ASB12: variants seen among roughly 807,000 people sequenced by gnomAD.
ASB12 encodes the protein ankyrin repeat and SOCS box protein 12.
Under a neutral mutation model 13.7 loss-of-function variants are expected in ASB12, and 17 were observed. The ratio of observed to expected loss-of-function variants is 1.24; its 90% CI spans 0.85 to 1.86. The LOEUF (loss-of-function observed/expected upper bound fraction) is 1.86, where lower values mean the gene tolerates loss of function less well. Ranked by LOEUF, ASB12 falls within the 40% of genes most tolerant of loss-of-function variation. The probability of loss-of-function intolerance (pLI) is 0.00; values close to 1 mark genes in which losing one functional copy is unlikely to be tolerated. For synonymous variants in ASB12, 107 were observed against 99.8 expected, an observed-to-expected ratio of 1.07 and a Z score of -0.43; for missense variants, 329 against 250.5, an observed-to-expected ratio of 1.31 and a Z score of -2.11.
chrX:64,230,055 T>C (rs1351762505), intron 1 of ASB12, among the ~76,000 whole-genome samples: 1 of 110,926 alleles, frequency 9.0e-6, no homozygotes, highest in Non-Finnish European at 1.9e-5. Context: ...AGAACGTTTT[T>C]AAGCCTCATC....
chrX:64,225,371 C>T lies in ASB12; in HGVS notation c.280G>A (p.Ala94Thr), dbSNP rs1460710458. 20 of 1,208,435 alleles carry T rather than the reference C, an allele frequency of 1.7e-5. No individual in the cohort carries two copies. Among genetic ancestry groups the T allele is most frequent in the Non-Finnish European group, 2.2e-5 (20 of 893,805 alleles). The stretch of plus-strand genomic sequence containing the variant: ...AAGCTGTCAACATCAGCACCATGGG[C>T]TAAGAGGACTTGCAAACAGCTCAAG... ...GHLSCLQVLL[A>T]HGADVDSLDV... The change falls in exon 2 of 3, where the codon GCC becomes ACC. Residue 94 changes from alanine to threonine, a missense_variant. Coordinates refer to ENST00000362002, the MANE Select transcript of ASB12 (RefSeq NM_130388.4).
In ASB12 at chrX:64,226,140, A is replaced by G. The variant is rs145078393; in HGVS notation, c.-24-466T>C. ...ATTTTCCTCAGTTCAGAATGTGTGGATTAGTAAGGTGGCTCTGGCCTGGCG... is the reference window on the plus strand; with the variant it reads ...ATTTTCCTCAGTTCAGAATGTGTGGGTTAGTAAGGTGGCTCTGGCCTGGCG... On this transcript the variant is annotated intron_variant, in intron 1 of 2. Coordinates refer to ENST00000362002, the MANE Select transcript of ASB12 (RefSeq NM_130388.4). Among the ~76,000 whole-genome samples the G allele has an allele frequency of 7.4e-4, 83 of 112,623 alleles. 2 individuals carry two copies. In the East Asian group the frequency reaches 0.023, roughly 31 times the overall value.
chrX:64,224,431 G>A lies in ASB12; in HGVS notation c.861C>T (p.Val287=), dbSNP rs1162651350. The A allele has an allele frequency of 3.3e-6, 4 of 1,208,105 alleles. No homozygotes were observed. Among genetic ancestry groups the A allele is most frequent in the South Asian group, 3.5e-5 (2 of 56,614 alleles). Reference sequence around the variant, plus strand: ...CAGCCTGGCACAAGGCTCTGCGGACGACTAAACGGACCTGTGATAGAAGTG... The same window carrying A: ...CAGCCTGGCACAAGGCTCTGCGGACAACTAAACGGACCTGTGATAGAAGTG... ...PRSLLSQVRL[V]VRRALCQAGQ... Residue 287 remains valine (V), a synonymous_variant, in exon 3 of 3, where the codon GTC becomes GTT. Coordinates refer to ENST00000362002, the MANE Select transcript of ASB12 (RefSeq NM_130388.4).
chrX:64,228,743 AATTTT>A (rs1324110555), intron 1 of ASB12, among the ~76,000 whole-genome samples: 1 of 111,273 alleles, frequency 9.0e-6, no homozygotes, highest in Non-Finnish European at 1.9e-5. Flanking sequence ...CATTTAATTT[AATTTT>A]TTCAATTTAC....
At position 64,225,604 on chromosome X, in the gene ASB12, G is replaced by T. The variant is rs370012720; in HGVS notation, c.47C>A (p.Thr16Asn). 22 of 1,200,019 alleles carry T rather than the reference G, an allele frequency of 1.8e-5. No individual in the cohort carries two copies. Among genetic ancestry groups the T allele is most frequent in the Non-Finnish European group, 2.4e-5 (21 of 889,498 alleles). ...QLAKMNLMDI[T>N]KIFSLLQPDK... ...GGGCTGCAGGAGGGAGAAGATCTTG[G>T]TGATGTCCATGAGGTTCATCTTGGC... The change falls in exon 2 of 3, where the codon ACC (threonine) becomes AAC (asparagine). Residue 16 changes from threonine (T) to asparagine (N), a missense_variant. Coordinates refer to ENST00000362002, the MANE Select transcript of ASB12 (RefSeq NM_130388.4).
intron 1 of ASB12, among the ~76,000 whole-genome samples, chrX:64,229,067 C>A (rs1484663041): frequency 1.8e-5 from 2 of 111,463 alleles, no homozygotes; most frequent in African/African-American, 6.5e-5. Context: ...CACATACCCC[C>A]CTCCCTTGAC....
chrX:64,228,265 T>C (rs776931648), intron 1 of ASB12, among the ~76,000 whole-genome samples: 7 of 112,427 alleles, frequency 6.2e-5, no homozygotes, highest in African/African-American at 2.3e-4. Flanking sequence ...TGGCTCTCCA[T>C]ATACACCATG....
chrX:64,225,366 A>G lies in ASB12; in HGVS notation c.285T>C (p.His95=). The change falls in exon 2 of 3, where the codon CAT becomes CAC. Residue 95 remains histidine, a synonymous_variant. Transcript: ENST00000362002. ...HLSCLQVLLA[H]GADVDSLDVK... ...CATCCAAGCTGTCAACATCAGCACC[A>G]TGGGCTAAGAGGACTTGCAAACAGC... 1 of 1,208,670 alleles carries G rather than the reference A, an allele frequency of 8.3e-7. No individual in the cohort carries two copies. Among genetic ancestry groups the G allele is most frequent in the Admixed American group, 2.2e-5 (1 of 45,754 alleles).
chrX:64,226,823 G>A (rs766898116), intron 1 of ASB12: 1 of 633,437 alleles, frequency 1.6e-6, no homozygotes, highest in African/African-American at 2.5e-5. Context: ...TGCAGCTGAG[G>A]TCTCAGGACC....
chrX:64,226,556 A>C (rs746495142), intron 1 of ASB12, among the ~76,000 whole-genome samples: 31 of 111,803 alleles, frequency 2.8e-4, no homozygotes, highest in Middle Eastern at 4.7e-3. Context: ...TTGATTGCCA[A>C]CACTGGCTCC....
Position 64,225,218 on chromosome X carries a change from T to C in ASB12, c.433A>G (p.Thr145Ala). 1 of 1,211,405 alleles carries C rather than the reference T, an allele frequency of 8.3e-7. No homozygotes were observed. ...GCAACAGCACCATCACGGGCAGCTG[T>C]GAGCACGGGAGAACAGTTGTTGTAG... ...SIYNNCSPVL[T>A]AARDGAVAIL... is the part of the protein sequence containing the mutation. Residue 145 changes from threonine (T) to alanine (A), a missense_variant, in exon 2 of 3, where the codon ACA becomes GCA. Thr to Ala is a moderately conservative substitution (Grantham distance 58, BLOSUM62 0). Coordinates refer to ENST00000362002, the MANE Select transcript of ASB12 (RefSeq NM_130388.4).
In ASB12 at chrX:64,230,559, C is replaced by A. The variant is rs755456928; in HGVS notation, c.-121G>T. The A allele has an allele frequency of 5.4e-5, 6 of 111,826 alleles. No individual in the cohort carries two copies. Among genetic ancestry groups the A allele is most frequent in the Non-Finnish European group, 9.4e-5 (5 of 53,055 alleles). 9.2% of individuals were successfully genotyped at this position (111,826 alleles called of 1,213,427 possible). On this transcript the variant is annotated 5_prime_UTR_variant, in exon 1 of 3. Coordinates refer to ENST00000362002, the MANE Select transcript of ASB12 (RefSeq NM_130388.4). ...GTGTCCCCTCCTTAGGGAGCCCCCA[C>A]GGCCCCAACCTGGAGCAGCTGGGGC...
chrX:64,224,985 T>A lies in ASB12; in HGVS notation c.666A>T (p.Arg222Ser). ...GGCAGATTTCAAGGAGGGTGCGGGG[T>A]CTTGGGACACGAGCCAATAGGCCCT... ...TDQGLLARVP[R>S]PRTLLEICLH... The change falls in exon 2 of 3, where the codon AGA becomes AGT. Residue 222 changes from arginine (R) to serine (S), a missense_variant. Transcript: ENST00000362002. 8.3e-7 allele frequency: 1 copy of A among 1,210,730 alleles called. No homozygotes were observed. Among genetic ancestry groups the A allele is most frequent in the Non-Finnish European group, 1.1e-6 (1 of 895,101 alleles).
At chrX:64,227,495 T>G (rs986026082) in intron 1 of ASB12, among the ~76,000 whole-genome samples, 11 of 111,371 alleles carry the variant, frequency 9.9e-5, no homozygotes, top group Non-Finnish European at 2.1e-4. Flanking sequence ...CTGGAATATC[T>G]ATCCCTACAG....
Position 64,226,772 on chromosome X carries a change from C to T in ASB12, c.-24-1098G>A, listed in dbSNP as rs576926645. 57 of 750,762 alleles carry T rather than the reference C, an allele frequency of 7.6e-5. No individual in the cohort carries two copies. The East Asian group carries it at 2.6e-3, about 34-fold the overall frequency. 61.9% of individuals were successfully genotyped at this position (750,762 alleles called of 1,213,427 possible). ...TTGTAATGTCATCAGGGCGAGCTGG[C>T]AGGTTTCTCAGAGCTTAAGTTCCCC... is the stretch of plus-strand genomic sequence containing the variant. On this transcript the variant is annotated intron_variant, in intron 1 of 2. Coordinates refer to ENST00000362002, the MANE Select transcript of ASB12 (RefSeq NM_130388.4).
chrX:64,226,024 G>T (rs1282835874), intron 1 of ASB12, among the ~76,000 whole-genome samples: 1 of 112,615 alleles, frequency 8.9e-6, no homozygotes, highest in Non-Finnish European at 1.9e-5. Flanking sequence ...TGTTCCATTA[G>T]TGTATAAACT....
chrX:64,227,843 C>T (rs954068915), intron 1 of ASB12, among the ~76,000 whole-genome samples: 1 of 111,687 alleles, frequency 9.0e-6, no homozygotes, highest in Non-Finnish European at 1.9e-5. Flanking sequence ...TGTCAATGCT[C>T]TTGCCTCTTT....
At position 64,226,317 on chromosome X, in the gene ASB12, G is replaced by A. The variant is rs1277856120; in HGVS notation, c.-24-643C>T. ...ATATGACTAAAGCTCCCTCATCTGA[G>A]CCTTCTGTAACCTTCCCTCAGATGA... On this transcript the variant is annotated intron_variant, in intron 1 of 2. Coordinates refer to ENST00000362002, the MANE Select transcript of ASB12 (RefSeq NM_130388.4). 2.7e-5 allele frequency among the ~76,000 whole-genome samples: 3 copies of A among 112,510 alleles called. No homozygotes were observed. The East Asian group carries it at 8.4e-4, about 31-fold the overall frequency.
chrX:64,230,440 G>C (rs1017520453), intron 1 of ASB12, 23 bp downstream of exon 1: 1 of 111,006 alleles, frequency 9.0e-6, no homozygotes, highest in Admixed American at 9.5e-5. Flanking sequence ...TTCTCAAACC[G>C]GTCCTAGGCT....
Sources: allele counts gnomAD v4.1 joint callset (sites outside exome capture counted in the v4.1 genomes callset), GRCh38; gene constraint gnomAD v4.1.1; transcripts MANE v1.5; gene names NCBI Gene and HGNC (gene_info 2026-07-23, HGNC 2026-07-21).